MACROD2: variants seen among roughly 807,000 people sequenced by gnomAD.
MACROD2 encodes ADP-ribose glycohydrolase MACROD2.
In MACROD2, 36 loss-of-function variants were observed where a neutral mutation model predicts 70.4. That is an observed-to-expected ratio of 0.51 (90% CI 0.39 to 0.68). MACROD2 has a LOEUF of 0.68. Among genes scored for constraint, MACROD2 ranks in the 30% least tolerant of loss-of-function variants. The probability of loss-of-function intolerance (pLI) is 0.00; values close to 1 mark genes in which losing one functional copy is unlikely to be tolerated. For missense variants in MACROD2, 496 were observed against 538.4 expected (o/e 0.92, Z 0.78); for synonymous variants, 172 against 178.8 (o/e 0.96, Z 0.30).
chr20:14,018,918 A>G (rs1390975117), intron 2 of MACROD2, among the ~76,000 whole-genome samples: 1 of 152,208 alleles, frequency 6.6e-6, no homozygotes. Context: ...TGTCTCCTTA[A>G]GCTAGGGTCT....
intron 5 of MACROD2, among the ~76,000 whole-genome samples, chr20:14,813,419 T>G (rs2072738214): frequency 6.6e-6 from 1 of 151,600 alleles, no homozygotes; most frequent in African/African-American, 2.4e-5. Flanking sequence ...TTCTCATTGT[T>G]CAGCTCCCCA....
intron 3 of MACROD2, among the ~76,000 whole-genome samples, chr20:14,162,516 A>T (rs1285493543): frequency 6.6e-6 from 1 of 152,186 alleles, no homozygotes; most frequent in Admixed American, 6.5e-5. Flanking sequence ...TAGGTCTAAT[A>T]GTATTTTCTT....
chr20:15,303,442 C>A (rs948610641), intron 6 of MACROD2, among the ~76,000 whole-genome samples: 1 of 152,114 alleles, frequency 6.6e-6, no homozygotes, highest in South Asian at 2.1e-4. Flanking sequence ...GTCATCATGC[C>A]GCCTTGCCCT....
In MACROD2 at chr20:14,485,494, A is replaced by G. The variant is rs1177535023; in HGVS notation, c.272-7985A>G. ...AGGCGGGCGAATCACGAGGTCGGGA[A>G]ATCAGGATCATCCTGGCTAACACGG... On this transcript the variant is annotated intron_variant, in intron 3 of 17. Coordinates refer to ENST00000684519, the MANE Select transcript of MACROD2 (RefSeq NM_001351661.2). Among the ~76,000 whole-genome samples, 253 of 152,050 alleles carry G rather than the reference A, an allele frequency of 1.7e-3. 1 individual carries two copies. Among genetic ancestry groups the G allele is most frequent in the Non-Finnish European group, 2.8e-3 (189 of 67,922 alleles).
intron 3 of MACROD2, among the ~76,000 whole-genome samples, chr20:14,234,705 C>T (rs975040301): frequency 3.3e-5 from 5 of 152,024 alleles, no homozygotes; most frequent in African/African-American, 1.2e-4. Context: ...TCTGTACATG[C>T]ACACCCATCA....
intron 3 of MACROD2, among the ~76,000 whole-genome samples, chr20:14,477,578 T>A (rs1201588249): frequency 6.6e-6 from 1 of 152,184 alleles, no homozygotes; most frequent in Non-Finnish European, 1.5e-5. Flanking sequence ...TCTAGGTATT[T>A]TTTTAAAGAA....
chr20:14,071,561 G>A (rs527653927), intron 2 of MACROD2, among the ~76,000 whole-genome samples: 9 of 151,276 alleles, frequency 5.9e-5, no homozygotes, highest in African/African-American at 2.2e-4. Context: ...TGCTGGGCCC[G>A]ACCATTTCAT....
intron 3 of MACROD2, among the ~76,000 whole-genome samples, chr20:14,137,114 A>G (rs951166483): frequency 6.6e-6 from 1 of 152,130 alleles, no homozygotes; most frequent in African/African-American, 2.4e-5. Flanking sequence ...AGTTAGGGGC[A>G]CAGACGTTCT....
At chr20:14,624,128 A>G (rs904760904) in intron 4 of MACROD2, among the ~76,000 whole-genome samples, 7 of 152,162 alleles carry the variant, frequency 4.6e-5, no homozygotes, top group African/African-American at 1.7e-4. Flanking sequence ...TTGGTAAGGC[A>G]TGTGTGATCT....
intron 3 of MACROD2, among the ~76,000 whole-genome samples, chr20:14,478,377 G>A (rs2084622144): frequency 6.6e-6 from 1 of 152,202 alleles, no homozygotes; most frequent in African/African-American, 2.4e-5. Flanking sequence ...AATTCTTGAA[G>A]GGGCTGCCAG....
intron 2 of MACROD2, chr20:14,053,081 T>C (rs1253189763): frequency 1.3e-5 from 2 of 150,552 alleles, no homozygotes; most frequent in Non-Finnish European, 3.0e-5. Context: ...TCCTCTTCTT[T>C]TTTTTTTTTT....
At chr20:14,254,163 A>C (rs1204275201) in intron 3 of MACROD2, among the ~76,000 whole-genome samples, 1 of 152,248 alleles carries the variant, frequency 6.6e-6, no homozygotes, top group East Asian at 1.9e-4. Context: ...TTATTAGTGA[A>C]TTATTATTCA....
rs757500775 is a variant in MACROD2, at chr20:14,326,823, T to C, written c.272-166656T>C. ...GGGAATTCCGCACCAGGGACAGCTC[T>C]GTCAAATTAACTAGGTTGAAGAAAA... On this transcript the variant is annotated intron_variant, in intron 3 of 17. Transcript: ENST00000684519. The surrounding 1 kb of genome is among the most constrained non-coding windows in gnomAD (Gnocchi z 5.5). 2 of 1,613,776 alleles carry C rather than the reference T, an allele frequency of 1.2e-6. No individual in the cohort carries two copies. Among genetic ancestry groups the C allele is most frequent in the Admixed American group, 3.3e-5 (2 of 59,964 alleles).
chr20:14,399,291 C>T (rs1450551299), intron 3 of MACROD2, among the ~76,000 whole-genome samples: 9 of 152,008 alleles, frequency 5.9e-5, no homozygotes, highest in Admixed American at 3.3e-4. Context: ...AAACTGCCAC[C>T]GTGCCTGGCC....
chr20:15,781,225 A>G (rs2051825675), intron 8 of MACROD2, among the ~76,000 whole-genome samples: 1 of 152,262 alleles, frequency 6.6e-6, no homozygotes, highest in South Asian at 2.1e-4. Context: ...CTGTATAGCA[A>G]TTGCTAGGAA....
chr20:14,959,199 T>A (rs2074562575), intron 5 of MACROD2, among the ~76,000 whole-genome samples: 1 of 152,142 alleles, frequency 6.6e-6, no homozygotes, highest in Non-Finnish European at 1.5e-5. Context: ...TAGCGCAATC[T>A]CGGCTCACTG....
At chr20:14,553,090 A>G (rs1785134130) in intron 4 of MACROD2, among the ~76,000 whole-genome samples, 2 of 151,944 alleles carry the variant, frequency 1.3e-5, no homozygotes, top group Non-Finnish European at 2.9e-5. Flanking sequence ...AATAATACTT[A>G]GATTAAAACA....
intron 3 of MACROD2, among the ~76,000 whole-genome samples, chr20:14,383,825 A>T (rs2083446121): frequency 2.0e-5 from 3 of 152,198 alleles, no homozygotes; most frequent in African/African-American, 7.2e-5. Context: ...TAGAAATAAA[A>T]ACCAATTTTT....
intron 6 of MACROD2, among the ~76,000 whole-genome samples, chr20:15,266,295 A>G (rs1193955581): frequency 2.6e-5 from 4 of 152,182 alleles, no homozygotes; most frequent in Non-Finnish European, 4.4e-5. Flanking sequence ...AAAAGATACA[A>G]GTTTTCTTCA....
Sources: allele counts gnomAD v4.1 joint callset (sites outside exome capture counted in the v4.1 genomes callset), GRCh38; gene constraint gnomAD v4.1.1; non-coding constraint Gnocchi (gnomAD v3.1); transcripts MANE v1.5; gene names NCBI Gene and HGNC (gene_info 2026-07-23, HGNC 2026-07-21).